The following NLGN1 variants were observed in gnomAD, a reference collection of about 807,000 sequenced individuals.
NLGN1 encodes neuroligin 1.
A neutral mutation model predicts 65.5 loss-of-function variants in NLGN1; 12 were observed. That is an observed-to-expected ratio of 0.18 (90% CI 0.12 to 0.30). The LOEUF (loss-of-function observed/expected upper bound fraction) is 0.30, where lower values mean the gene tolerates loss of function less well. Among genes scored for constraint, NLGN1 ranks in the 10% least tolerant of loss-of-function variants. The pLI, the probability that NLGN1 is intolerant of heterozygous loss-of-function variation, is 1.00. For synonymous variants in NLGN1, 350 were observed against 359.5 expected, an observed-to-expected ratio of 0.97 and a Z score of 0.30; for missense variants, 750 against 1,007.1, an observed-to-expected ratio of 0.74 and a Z score of 3.46.
At chr3:173,840,322 A>G (rs1724544659) in intron 4 of NLGN1, among the ~76,000 whole-genome samples, 1 of 152,210 alleles carries the variant, frequency 6.6e-6, no homozygotes, top group Non-Finnish European at 1.5e-5. Context: ...CATATTTGGT[A>G]TTTGATTTGG....
intron 4 of NLGN1, among the ~76,000 whole-genome samples, chr3:173,822,776 GAT>G (rs1173432684): frequency 6.6e-6 from 1 of 151,952 alleles, no homozygotes; most frequent in East Asian, 1.9e-4. Flanking sequence ...AAGAAGGAGA[GAT>G]AATTGACTTA....
intron 4 of NLGN1, among the ~76,000 whole-genome samples, chr3:173,973,840 AC>A (rs1199220048): frequency 6.6e-6 from 1 of 152,042 alleles, no homozygotes; most frequent in Non-Finnish European, 1.5e-5. Context: ...TAGTGATAAA[AC>A]CACATTCAAA....
rs184616564 is a variant in NLGN1 at position 173,597,947 on chromosome 3, T to G, written c.-320-6332T>G. 7.2e-5 allele frequency among the ~76,000 whole-genome samples: 11 copies of G among 152,226 alleles called. No homozygotes were observed. The East Asian group carries it at 1.2e-3, about 16-fold the overall frequency. On this transcript the variant is annotated intron_variant, in intron 2 of 6. Transcript: ENST00000457714. ...TTTTCAAACATTTTTTTCTGATTTG[T>G]TATTATATCTGATTAGATGGCCATT... is the stretch of plus-strand genomic sequence containing the variant.
chr3:174,131,888 T>C (rs1423340139), intron 4 of NLGN1, among the ~76,000 whole-genome samples: 1 of 152,198 alleles, frequency 6.6e-6, no homozygotes, highest in African/African-American at 2.4e-5. Flanking sequence ...GAATATAAAA[T>C]CTCAACAGGT....
At chr3:173,436,389 A>G (rs1169411208) in intron 2 of NLGN1, among the ~76,000 whole-genome samples, 1 of 152,184 alleles carries the variant, frequency 6.6e-6, no homozygotes, top group African/African-American at 2.4e-5. Flanking sequence ...CAAATAATGT[A>G]TGGCACACAC....
At chr3:173,624,698 C>T (rs1345212263) in intron 3 of NLGN1, among the ~76,000 whole-genome samples, 1 of 152,042 alleles carries the variant, frequency 6.6e-6, no homozygotes, top group Non-Finnish European at 1.5e-5. Context: ...CTACCACATG[C>T]AGTAAGAATG....
At chr3:173,685,910 T>A in intron 3 of NLGN1, 2 of 657,796 alleles carry the variant, frequency 3.0e-6, no homozygotes, top group Non-Finnish European at 3.8e-6. Context: ...TTGAGAAGAT[T>A]AAAACCTGAA....
intron 4 of NLGN1, among the ~76,000 whole-genome samples, chr3:173,958,425 G>A (rs1712673259): frequency 6.6e-6 from 1 of 152,114 alleles, no homozygotes; most frequent in Admixed American, 6.5e-5. Context: ...TGGAGACCCT[G>A]GAGTGGGTAG....
chr3:173,465,412 A>G (rs1284375920), intron 2 of NLGN1, among the ~76,000 whole-genome samples: 2 of 152,208 alleles, frequency 1.3e-5, no homozygotes, highest in East Asian at 3.8e-4. Context: ...GAGAACAATT[A>G]TGGCAGCAAG....
At chr3:173,733,822 TA>T (rs1470109587) in intron 3 of NLGN1, among the ~76,000 whole-genome samples, 1 of 152,070 alleles carries the variant, frequency 6.6e-6, no homozygotes, top group East Asian at 1.9e-4. Flanking sequence ...ACTGTTTGTG[TA>T]AAAATTCCTG....
At chr3:174,281,094 C>T (rs771001410) in exon 7 of NLGN1, 23 of 1,613,118 alleles carry the variant, frequency 1.4e-5, no homozygotes, top group East Asian at 2.2e-5. Flanking sequence ...GGTGGTTCTT[C>T]GGACCGCCTG....
At chr3:173,405,081 G>A (rs1288467545) in intron 1 of NLGN1, among the ~76,000 whole-genome samples, 2 of 151,996 alleles carry the variant, frequency 1.3e-5, no homozygotes, top group Non-Finnish European at 2.9e-5. Context: ...ATCCTATTCA[G>A]AACCTCTTCT....
At chr3:173,683,842 T>C (rs1214703894) in intron 3 of NLGN1, among the ~76,000 whole-genome samples, 1 of 152,122 alleles carries the variant, frequency 6.6e-6, no homozygotes, top group Non-Finnish European at 1.5e-5. Context: ...CCCAAACAGA[T>C]GCATATTGTC....
chr3:173,704,352 T>C lies in NLGN1; in HGVS notation c.493+99261T>C, dbSNP rs1262722138. Among the ~76,000 whole-genome samples, 4 of 152,204 alleles carry C rather than the reference T, an allele frequency of 2.6e-5. No individual in the cohort carries two copies. In the East Asian group the frequency reaches 7.7e-4, roughly 29 times the overall value. On this transcript the variant is annotated intron_variant, in intron 3 of 6. Transcript: ENST00000457714. Reference sequence around the variant, plus strand: ...AAAATTGGTGGCCAAGCTGTAGTCTTTCAGTATGTATGGATTTTTTTTCAA... The same window carrying C: ...AAAATTGGTGGCCAAGCTGTAGTCTCTCAGTATGTATGGATTTTTTTTCAA...
chr3:173,450,634 C>T (rs1048375193), intron 2 of NLGN1, among the ~76,000 whole-genome samples: 4 of 152,182 alleles, frequency 2.6e-5, no homozygotes, highest in African/African-American at 7.2e-5. Context: ...GGAAGTTCTC[C>T]TGGATAATAT....
intron 4 of NLGN1, among the ~76,000 whole-genome samples, chr3:173,944,908 A>C (rs1746873632): frequency 6.6e-6 from 1 of 152,120 alleles, no homozygotes; most frequent in Non-Finnish European, 1.5e-5. Context: ...TTTAACCAAA[A>C]ATTGTATTTG....
At chr3:173,605,546 C>A in intron 3 of NLGN1, 1 of 1,286,122 alleles carries the variant, frequency 7.8e-7, no homozygotes, top group Non-Finnish European at 1.0e-6. Flanking sequence ...AAAAGAATAT[C>A]CAAGGAATGT....
intron 4 of NLGN1, among the ~76,000 whole-genome samples, chr3:174,129,354 AACACACACACACACACACACACACAC>A (rs61122760): frequency 8.6e-6 from 1 of 116,780 alleles, no homozygotes; most frequent in Non-Finnish European, 1.7e-5. Context: ...CCCGGTTTAC[AACACACACACACACACACACACACAC>A]ACACACACAC....
chr3:174,174,231 G>A (rs1216467106), intron 4 of NLGN1, among the ~76,000 whole-genome samples: 1 of 151,892 alleles, frequency 6.6e-6, no homozygotes, highest in Non-Finnish European at 1.5e-5. Context: ...TTCATTGATG[G>A]GCATTTGGGT....
Sources: gnomAD v4.1 joint callset for allele counts (sites outside exome capture counted in the v4.1 genomes callset) on GRCh38, gnomAD v4.1.1 for gene constraint, MANE v1.5 for transcripts, NCBI Gene and HGNC (gene_info 2026-07-23, HGNC 2026-07-21) for gene names.